Variants in DPEP1 observed in about 807,000 individuals in gnomAD.
DPEP1 encodes dipeptidase 1, also known as beta-lactamase.
DPEP1 carries 50 observed loss-of-function variants against 42.3 expected under a neutral mutation model. The ratio of observed to expected loss-of-function variants is 1.18; its 90% CI spans 0.94 to 1.50. The LOEUF (loss-of-function observed/expected upper bound fraction) is 1.50, where lower values mean the gene tolerates loss of function less well. DPEP1 is among the 40% of genes most tolerant of loss of function. The pLI is 0.00. For missense variants in DPEP1, 663 were observed against 553.0 expected, an observed-to-expected ratio of 1.20 and a Z score of -1.99; for synonymous variants, 297 against 234.0, an observed-to-expected ratio of 1.27 and a Z score of -2.46.
intron 1 of DPEP1, among the ~76,000 whole-genome samples, chr16:89,615,154 G>C (rs747905999): frequency 3.6e-4 from 55 of 152,342 alleles, no homozygotes; most frequent in Non-Finnish European, 6.6e-4. Flanking sequence ...CAAAAGGTCA[G>C]CTTTGACAAA....
chr16:89,635,555 C>T (rs1030854686), intron 2 of DPEP1, among the ~76,000 whole-genome samples: 1 of 152,206 alleles, frequency 6.6e-6, no homozygotes, highest in African/African-American at 2.4e-5. Flanking sequence ...TTGCCCCTCA[C>T]GTCTCCAATC....
downstream of DPEP1, among the ~76,000 whole-genome samples, chr16:89,641,029 G>A (rs987151324): frequency 3.9e-5 from 6 of 151,978 alleles, no homozygotes; most frequent in East Asian, 1.9e-4. Context: ...CAGCCGAGGC[G>A]GAGAGAGAGA....
At chr16:89,638,683 C>A (rs1287780730), downstream of DPEP1, among the ~76,000 whole-genome samples, 1 of 139,492 alleles carries the variant, frequency 7.2e-6, no homozygotes, top group African/African-American at 2.6e-5. Context: ...ACACACACAC[C>A]CCACCCCTGC....
intron 1 of DPEP1, among the ~76,000 whole-genome samples, chr16:89,614,456 C>G (rs1017991505): frequency 6.6e-6 from 1 of 152,150 alleles, no homozygotes; most frequent in Non-Finnish European, 1.5e-5. Context: ...GCCTGTTGTC[C>G]GGCCCCACAA....
At chr16:89,624,387 A>G (rs941042556) in intron 1 of DPEP1, among the ~76,000 whole-genome samples, 2 of 152,182 alleles carry the variant, frequency 1.3e-5, no homozygotes, top group African/African-American at 2.4e-5. Flanking sequence ...GTAATAGTCC[A>G]TGTCCTCGGC....
chr16:89,637,792 T>G, intron 9 of DPEP1, 44 bp from the exon 10 acceptor site: 14 of 1,612,510 alleles, frequency 8.7e-6, no homozygotes, highest in Non-Finnish European at 1.2e-5. Flanking sequence ...AGGAGGGACC[T>G]GTGTCCTAGT....
At chr16:89,640,047 G>A (rs1209394048), downstream of DPEP1, among the ~76,000 whole-genome samples, 4 of 152,204 alleles carry the variant, frequency 2.6e-5, no homozygotes, top group Non-Finnish European at 4.4e-5. Flanking sequence ...ACTGTGGGCA[G>A]CAGAACCAGG....
chr16:89,629,340 A>G (rs538712195), intron 1 of DPEP1, among the ~76,000 whole-genome samples: 1 of 152,208 alleles, frequency 6.6e-6, no homozygotes, highest in East Asian at 1.9e-4. Flanking sequence ...CATCTCTACA[A>G]AAAATACAAA....
chr16:89,636,732 G>C, intron 5 of DPEP1, 49 bp downstream of exon 5: 2 of 1,606,144 alleles, frequency 1.2e-6, no homozygotes, highest in Non-Finnish European at 1.7e-6. Flanking sequence ...AGGAGGGAGG[G>C]GGCAGACACT....
At chr16:89,639,447 G>T, downstream of DPEP1, among the ~76,000 whole-genome samples, 1 of 30,226 alleles carries the variant, frequency 3.3e-5, no homozygotes, top group Non-Finnish European at 5.7e-5. Flanking sequence ...ACACAACCCT[G>T]TGCACACCCC....
rs1420580826 is a variant in DPEP1, at chr16:89,636,599, T to C, written c.437T>C (p.Ile146Thr). 1.2e-6 allele frequency: 2 copies of C among 1,612,596 alleles called. No individual in the cohort carries two copies. The highest frequency in any genetic ancestry group is 1.1e-5 in the South Asian group (1 of 91,084). The change falls in exon 5 of 11, where the codon ATT (isoleucine) becomes ACT (threonine). Residue 146 changes from isoleucine to threonine, a missense_variant. By Grantham distance (89) the Ile-to-Thr change is moderately conservative. Transcript: ENST00000690203. ...SLIGVEGGHS[I>T]DSSLGVLRAL... is the part of the protein sequence containing the mutation. ...ATCGGCGTGGAGGGCGGCCACTCCATTGACAGCAGTTTGGGCGTCCTGCGG... is the reference window on the plus strand; with the variant it reads ...ATCGGCGTGGAGGGCGGCCACTCCACTGACAGCAGTTTGGGCGTCCTGCGG...
At chr16:89,624,537 G>GC (rs2059483497) in intron 1 of DPEP1, among the ~76,000 whole-genome samples, 1 of 148,876 alleles carries the variant, frequency 6.7e-6, no homozygotes, top group African/African-American at 2.5e-5. Flanking sequence ...TCTGGGGTTT[G>GC]TTTTTTTTTT....
In DPEP1 at chr16:89,630,514, G is replaced by T. The variant is rs2059570627; in HGVS notation, c.104G>T (p.Gly35Val). ...ATGAGGGACTCCCCTGTCATTGATG[G>T]GTGAGTGCTCACCTGAGCCAGGTGC... ...RIMRDSPVID[G>V]HNDLPWQLLD... Residue 35 changes from glycine (G) to valine (V), a missense_variant and splice_region_variant, in exon 2 of 11, where the codon GGG (glycine) becomes GTG (valine). Transcript: ENST00000690203. 6.3e-7 allele frequency: 1 copy of T among 1,589,994 alleles called. No individual in the cohort carries two copies.
chr16:89,624,147 A>G (rs940975174), intron 1 of DPEP1, among the ~76,000 whole-genome samples: 1 of 152,186 alleles, frequency 6.6e-6, no homozygotes, highest in Non-Finnish European at 1.5e-5. Context: ...CTGCTAGGGA[A>G]TGGTTGCAGG....
intron 2 of DPEP1, among the ~76,000 whole-genome samples, chr16:89,630,783 C>T (rs1231763330): frequency 7.8e-6 from 1 of 127,584 alleles, no homozygotes; most frequent in Non-Finnish European, 1.7e-5. Context: ...GCTGGGGGAG[C>T]TGGGGGTGAG....
At chr16:89,617,458 G>T (rs1186809372) in intron 1 of DPEP1, among the ~76,000 whole-genome samples, 1 of 152,204 alleles carries the variant, frequency 6.6e-6, no homozygotes, top group Non-Finnish European at 1.5e-5. Flanking sequence ...TGAGGTGGAA[G>T]CATCCACGCC....
At position 89,637,562 on chromosome 16, in the gene DPEP1, G is replaced by A. The variant is rs937644073; in HGVS notation, c.853+10G>A. The A allele has an allele frequency of 5.0e-6, 8 of 1,612,864 alleles. No homozygotes were observed. Among genetic ancestry groups the A allele is most frequent in the Non-Finnish European group, 6.8e-6 (8 of 1,179,996 alleles). On this transcript the variant is annotated intron_variant, in intron 8 of 10. Transcript: ENST00000690203. ...CTGTCCCAAGTGGCCGGTAGGTGGG[G>A]TGTGAGCGGCCAAGGGGGCCGAAGG...
rs774867340 is a variant in DPEP1 at position 89,636,509 on chromosome 16, C to T, written c.371-24C>T. ...CCTCCAGATACCAGGTGCCCACTCC[C>T]CTGCACCCTGACTCTCCCCGCAGGC... On this transcript the variant is annotated intron_variant, in intron 4 of 10. Transcript: ENST00000690203. 9 of 1,609,436 alleles carry T rather than the reference C, an allele frequency of 5.6e-6. No homozygotes were observed. In the South Asian group the frequency reaches 9.9e-5, roughly 18 times the overall value.
chr16:89,613,460 CCTCTCTCCCTCCTG>C (rs11275077), upstream of DPEP1: 79,542 of 151,684 alleles, frequency 0.52, 21,340 homozygotes, highest in East Asian at 0.75. Flanking sequence ...TCTCCCTCCT[CCTCTCTCCCTCCTG>C]CAGCCCTTCC....
Sources: gnomAD v4.1 joint callset for allele counts (sites outside exome capture counted in the v4.1 genomes callset) on GRCh38, gnomAD v4.1.1 for gene constraint, MANE v1.5 for transcripts, NCBI Gene and HGNC (gene_info 2026-07-23, HGNC 2026-07-21) for gene names.